Variants in SYMPK observed in about 807,000 individuals in gnomAD.
SYMPK encodes the protein symplekin.
In SYMPK, 49 loss-of-function variants were observed where a neutral mutation model predicts 136.4. The ratio of observed to expected loss-of-function variants is 0.36; its 90% CI spans 0.29 to 0.46. The LOEUF (loss-of-function observed/expected upper bound fraction) is 0.46. Among genes scored for constraint, SYMPK ranks in the 20% least tolerant of loss-of-function variants. The probability of loss-of-function intolerance (pLI) is 1.00; values close to 1 mark genes in which losing one functional copy is unlikely to be tolerated. For synonymous variants in SYMPK, 766 were observed against 713.0 expected, an observed-to-expected ratio of 1.07 and a Z score of -1.19; for missense variants, 1,365 against 1,690.0, an observed-to-expected ratio of 0.81 and a Z score of 3.37.
intron 1 of SYMPK, among the ~76,000 whole-genome samples, chr19:45,856,080 G>C (rs553683451): frequency 6.6e-6 from 1 of 152,158 alleles, no homozygotes; most frequent in African/African-American, 2.4e-5. Flanking sequence ...GAAGCCGGGC[G>C]CGGTGGCTCA....
rs1384825016 is a variant in SYMPK at position 45,856,896 on chromosome 19, C to T, written c.-12-2389G>A. Among the ~76,000 whole-genome samples, 3 of 152,050 alleles carry T rather than the reference C, an allele frequency of 2.0e-5. No homozygotes were observed. In the East Asian group the frequency reaches 5.8e-4, roughly 29 times the overall value. ...CCTTGGGAGGCTGAGGTAGGCAGAA[C>T]ACCTGAGGTCAGGAGTTCGAGACCA... On this transcript the variant is annotated intron_variant, in intron 1 of 26. Coordinates refer to ENST00000245934, the MANE Select transcript of SYMPK (RefSeq NM_004819.3).
intron 5 of SYMPK, among the ~76,000 whole-genome samples, chr19:45,851,370 G>A (rs1477668400): frequency 6.6e-6 from 1 of 152,152 alleles, no homozygotes; most frequent in Non-Finnish European, 1.5e-5. Flanking sequence ...GAGGTCAGGA[G>A]TTCAAGACTG....
chr19:45,845,507 T>C lies in SYMPK; in HGVS notation c.677-1307A>G, dbSNP rs191701544. Among the ~76,000 whole-genome samples the C allele has an allele frequency of 3.6e-3, 545 of 152,246 alleles. 1 individual carries two copies. The highest frequency in any genetic ancestry group is 4.6e-3 in the Non-Finnish European group (312 of 68,016). ...ACTTAATGACTTCCACTTCCATCCA[T>C]GTTGTTGCAAATGACAGGATCTCCT... On this transcript the variant is annotated intron_variant, in intron 7 of 26. Transcript: ENST00000245934.
intron 23 of SYMPK, among the ~76,000 whole-genome samples, chr19:45,817,417 C>CTCTT (rs1568605965): frequency 2.8e-5 from 3 of 108,480 alleles, no homozygotes; most frequent in Admixed American, 9.2e-5. Context: ...TTTTTGTTCT[C>CTCTT]TTTTTTTTTT....
At chr19:45,816,761 G>A (rs763252189) in intron 24 of SYMPK, 37 bp downstream of exon 24, 10 of 1,500,512 alleles carry the variant, frequency 6.7e-6, no homozygotes, top group African/African-American at 1.4e-5. Context: ...CACACCCTGG[G>A]TGGGGGGAAA....
At chr19:45,851,550 C>T (rs541037038) in intron 5 of SYMPK, among the ~76,000 whole-genome samples, 1 of 150,792 alleles carries the variant, frequency 6.6e-6, no homozygotes, top group African/African-American at 2.4e-5. Context: ...TGTACTCCAG[C>T]CTGGACAACA....
intron 12 of SYMPK, 49 bp downstream of exon 12, chr19:45,831,335 C>T (rs1393431947): frequency 7.6e-6 from 11 of 1,441,088 alleles, no homozygotes; most frequent in Non-Finnish European, 1.0e-5. Flanking sequence ...AGAACCAGAC[C>T]TTCAGGGTAG....
At chr19:45,837,541 C>A (rs562269171) in intron 10 of SYMPK, among the ~76,000 whole-genome samples, 1 of 139,868 alleles carries the variant, frequency 7.1e-6, no homozygotes, top group Admixed American at 7.8e-5. Context: ...CACTTGAACC[C>A]GGGAGGCGGA....
intron 7 of SYMPK, among the ~76,000 whole-genome samples, chr19:45,846,279 G>C (rs146154797): frequency 6.6e-6 from 1 of 152,174 alleles, no homozygotes. Context: ...CATCAACAGA[G>C]CATTGCTTAA....
Position 45,854,463 on chromosome 19 carries a change from A to T in SYMPK, c.33T>A (p.Arg11=), listed in dbSNP as rs143562161. 2.2e-5 allele frequency: 36 copies of T among 1,614,044 alleles called. No homozygotes were observed. The East Asian group carries it at 7.8e-4, about 35-fold the overall frequency. Residue 11 remains arginine (R), a synonymous_variant, in exon 2 of 27, where the codon CGT becomes CGA. Transcript: ENST00000245934. The part of the protein sequence containing the change: MASGSGDSVT[R]RSVASQFFTQ... Reference sequence around the variant, plus strand: ...TGAAAAACTGTGATGCCACGCTCCGACGGGTGACGCTGTCTCCACTGCCGC... The same window carrying T: ...TGAAAAACTGTGATGCCACGCTCCGTCGGGTGACGCTGTCTCCACTGCCGC...
In SYMPK at chr19:45,838,529, G is replaced by T; in HGVS notation, c.1174C>A (p.Gln392Lys). 2 of 1,614,148 alleles carry T rather than the reference G, an allele frequency of 1.2e-6. No homozygotes were observed. Residue 392 changes from glutamine (Q) to lysine (K), a missense_variant, in exon 10 of 27, where the codon CAG becomes AAG. Physicochemically the swap from Gln to Lys is moderately conservative, Grantham distance 53. Coordinates refer to ENST00000245934, the MANE Select transcript of SYMPK (RefSeq NM_004819.3). ...TCAGCTGTGATGTCCGTGTCTGACT[G>T]GCCGGAGATCTGCGCTGAGGCCTTC... ...TSKASAQISG[Q>K]SDTDITAEFL...
chr19:45,835,181 G>A lies in SYMPK; in HGVS notation c.1290C>T (p.Phe430=). ...ACTCCACGGGGGTGTAGATGGCCTG[G>A]AAGGAGGCTGGCATGGCCTCGGGTA... ...VYLPEAMPAS[F]QAIYTPVESA... The change falls in exon 11 of 27, where the codon TTC becomes TTT. Residue 430 remains phenylalanine, a synonymous_variant. Transcript: ENST00000245934. The A allele has an allele frequency of 6.2e-7, 1 of 1,612,954 alleles. No homozygotes were observed.
Position 45,816,145 on chromosome 19 carries a change from T to G in SYMPK, c.3393A>C (p.Ala1131=), listed in dbSNP as rs920599240. 6.5e-6 allele frequency: 10 copies of G among 1,547,150 alleles called. No homozygotes were observed. The highest frequency in any genetic ancestry group is 8.7e-6 in the Non-Finnish European group (10 of 1,143,094). The change falls in exon 26 of 27, where the codon GCA becomes GCC. Residue 1131 remains alanine, a synonymous_variant. Transcript: ENST00000245934. ...CGATGAGGTCCTGAGGGGGCCGGGGTGCTGGGGCCGGGGCCAAGGTCAGGG... is the reference window on the plus strand; with the variant it reads ...CGATGAGGTCCTGAGGGGGCCGGGGGGCTGGGGCCGGGGCCAAGGTCAGGG... ...LEPLTLAPAP[A]PRPPQDLIGL...
Position 45,816,793 on chromosome 19 carries a change from G to C in SYMPK, c.3258+5C>G. On this transcript the variant is annotated splice_donor_5th_base_variant and intron_variant, in intron 24 of 26. Coordinates refer to ENST00000245934, the MANE Select transcript of SYMPK (RefSeq NM_004819.3). The stretch of plus-strand genomic sequence containing the variant: ...GAAAGGGTACCTGGTGGGGGGAAGG[G>C]GTACCTGGTGGGGGGTGAAGGAGCG... 4.6e-6 allele frequency: 7 copies of C among 1,526,642 alleles called. No individual in the cohort carries two copies. Among genetic ancestry groups the C allele is most frequent in the Non-Finnish European group, 5.3e-6 (6 of 1,136,526 alleles). The allele number at this position is 1,526,642 out of a possible 1,614,324, so 94.6% of individuals were successfully genotyped here.
chr19:45,826,477 G>T, intron 16 of SYMPK, 104 bp from the exon 17 acceptor site: 2 of 1,270,680 alleles, frequency 1.6e-6, no homozygotes, highest in Non-Finnish European at 1.1e-6. Flanking sequence ...GCCCGAGGCT[G>T]AGAAGGGGCA....
intron 11 of SYMPK, among the ~76,000 whole-genome samples, chr19:45,833,118 G>T (rs574264950): frequency 6.6e-6 from 1 of 151,644 alleles, no homozygotes; most frequent in South Asian, 2.1e-4. Flanking sequence ...CAGGAGAATC[G>T]CTTGAATCCA....
rs147976295 is a variant in SYMPK at position 45,854,384 on chromosome 19, C to A, written c.105+7G>T. 1 of 1,613,764 alleles carries A rather than the reference C, an allele frequency of 6.2e-7. No individual in the cohort carries two copies. The highest frequency in any genetic ancestry group is 1.7e-5 in the Admixed American group (1 of 60,018). The stretch of plus-strand genomic sequence containing the variant: ...TCCTCACTCCAAGCCCTACCCGCCA[C>A]GCTCACCCTCTCTGAGGTGGTCATG... On this transcript the variant is annotated splice_region_variant and intron_variant, in intron 2 of 26. Coordinates refer to ENST00000245934, the MANE Select transcript of SYMPK (RefSeq NM_004819.3).
chr19:45,855,933 G>A (rs1443339018), intron 1 of SYMPK: 2 of 152,142 alleles, frequency 1.3e-5, no homozygotes, highest in Admixed American at 6.6e-5. Context: ...TCGGGCCACT[G>A]CCCTCCAGCC....
chr19:45,840,861 G>A (rs940326140), intron 9 of SYMPK, among the ~76,000 whole-genome samples: 1 of 151,764 alleles, frequency 6.6e-6, no homozygotes, highest in Non-Finnish European at 1.5e-5. Flanking sequence ...GGATGAGGTA[G>A]ATTTCTATAA....
Sources: gnomAD v4.1 joint callset for allele counts (sites outside exome capture counted in the v4.1 genomes callset) on GRCh38, gnomAD v4.1.1 for gene constraint, MANE v1.5 for transcripts, NCBI Gene and HGNC (gene_info 2026-07-23, HGNC 2026-07-21) for gene names.